The following MORC3 variants were observed in gnomAD, a reference collection of about 807,000 sequenced individuals.
MORC3 encodes MORC family CW-type zinc finger protein 3.
MORC3 carries 31 observed loss-of-function variants against 109.1 expected under a neutral mutation model. That is an observed-to-expected ratio of 0.28 (90% CI 0.21 to 0.38). The LOEUF (loss-of-function observed/expected upper bound fraction) is 0.38, where lower values mean the gene tolerates loss of function less well. MORC3 is among the 10% of genes least tolerant of loss of function. MORC3 has a pLI of 1.00. For synonymous variants in MORC3, 395 were observed against 380.7 expected, an observed-to-expected ratio of 1.04 and a Z score of -0.44; for missense variants, 867 against 1,135.8, an observed-to-expected ratio of 0.76 and a Z score of 3.40.
intron 9 of MORC3, among the ~76,000 whole-genome samples, chr21:36,355,040 G>A (rs1200160798): frequency 1.3e-5 from 2 of 152,106 alleles, no homozygotes; most frequent in East Asian, 3.8e-4. Flanking sequence ...ATTGTTTTGA[G>A]CTTGATTTCT....
chr21:36,336,923 A>G lies in MORC3; in HGVS notation c.162A>G (p.Lys54=). The G allele has an allele frequency of 6.2e-7, 1 of 1,613,440 alleles. No homozygotes were observed. Among genetic ancestry groups the G allele is most frequent in the Non-Finnish European group, 8.5e-7 (1 of 1,179,586 alleles). The change falls in exon 3 of 17, where the codon AAA becomes AAG. Residue 54 remains lysine (K), a synonymous_variant. Coordinates refer to ENST00000400485, the MANE Select transcript of MORC3 (RefSeq NM_015358.3). ...ACGCTAAACAAATATGGATTGACAA[A>G]ACAGTGATAAATGACCATATATGCT... The part of the protein sequence containing the change: ...DVNAKQIWID[K]TVINDHICLT...
Position 36,372,379 on chromosome 21 carries a change from A to G in MORC3, c.2514A>G (p.Glu838=). 1 of 1,565,824 alleles carries G rather than the reference A, an allele frequency of 6.4e-7. No individual in the cohort carries two copies. Among genetic ancestry groups the G allele is most frequent in the East Asian group, 2.3e-5 (1 of 43,896 alleles). The change falls in exon 16 of 17, where the codon GAA becomes GAG. Residue 838 remains glutamate (E), a synonymous_variant. Transcript: ENST00000400485. The part of the protein sequence containing the change: ...IERDQYKSEV[E]LLEMEKSQIR... ...CTCATTTATATTTTTGTTAGGTTGA[A>G]TTGCTGGAAATGGAAAAGTCACAAA...
intron 1 of MORC3, 137 bp downstream of exon 1, chr21:36,320,440 C>T (rs1309021500): frequency 8.6e-6 from 7 of 814,180 alleles, no homozygotes; most frequent in Non-Finnish European, 9.8e-6. Context: ...GGGGAGGGGG[C>T]GGCCATCTCG....
intron 2 of MORC3, among the ~76,000 whole-genome samples, chr21:36,336,358 T>G (rs2085375846): frequency 6.6e-6 from 1 of 152,142 alleles, no homozygotes; most frequent in Admixed American, 6.6e-5. Context: ...TTCTCCTGTC[T>G]TAGCCTCTGG....
At chr21:36,326,919 G>A (rs142444553) in intron 1 of MORC3, among the ~76,000 whole-genome samples, 3,438 of 150,902 alleles carry the variant, frequency 0.023, 58 homozygotes, top group Admixed American at 0.045. Flanking sequence ...GGGTTTAAGC[G>A]ATTCTTGTGC....
chr21:36,369,770 C>T lies in MORC3; in HGVS notation c.2402C>T (p.Ser801Phe). 6.2e-7 allele frequency: 1 copy of T among 1,614,120 alleles called. No individual in the cohort carries two copies. The highest frequency in any genetic ancestry group is 8.5e-7 in the Non-Finnish European group (1 of 1,180,032). ...QHVKAECSQCSNNESKSEMDE... is the reference protein window; with the variant it reads ...QHVKAECSQCFNNESKSEMDE... Reference sequence around the variant, plus strand: ...GTAAAGGCTGAATGCAGCCAGTGTTCCAATAATGAGAGTAAAAGTGAAATG... The same window carrying T: ...GTAAAGGCTGAATGCAGCCAGTGTTTCAATAATGAGAGTAAAAGTGAAATG... The change falls in exon 15 of 17, where the codon TCC (serine) becomes TTC (phenylalanine). Residue 801 changes from serine (S) to phenylalanine (F), a missense_variant. Ser to Phe is a radical substitution (Grantham distance 155). Coordinates refer to ENST00000400485, the MANE Select transcript of MORC3 (RefSeq NM_015358.3).
At chr21:36,353,747 A>ATTTTTTTTTTTTTTTT (rs1569101617) in intron 9 of MORC3, among the ~76,000 whole-genome samples, 1 of 65,508 alleles carries the variant, frequency 1.5e-5, no homozygotes, top group African/African-American at 8.6e-5. Flanking sequence ...AGCCCGGCTA[A>ATTTTTTTTTTTTTTTT]TTTTTGTATT....
intron 1 of MORC3, among the ~76,000 whole-genome samples, chr21:36,320,875 C>A (rs1385242842): frequency 6.6e-6 from 1 of 152,186 alleles, no homozygotes; most frequent in Non-Finnish European, 1.5e-5. Flanking sequence ...CTCTTTATCC[C>A]GCGTTGCGTC....
At position 36,369,269 on chromosome 21, in the gene MORC3, A is replaced by T; in HGVS notation, c.1901A>T (p.Gln634Leu). 6.2e-7 allele frequency: 1 copy of T among 1,614,242 alleles called. No homozygotes were observed. Among genetic ancestry groups the T allele is most frequent in the Non-Finnish European group, 8.5e-7 (1 of 1,180,052 alleles). ...STSTSSSRCD[Q>L]GNTAATQTEV... ...AGCACCTCATCATCCCGATGCGACC[A>T]GGGAAATACTGCAGCTACCCAGACT... Residue 634 changes from glutamine (Q) to leucine (L), a missense_variant, in exon 15 of 17, where the codon CAG becomes CTG. By Grantham distance (113) the Gln-to-Leu change is moderately radical. Transcript: ENST00000400485.
chr21:36,344,587 C>G lies in MORC3; in HGVS notation c.765C>G (p.Cys255Trp). The change falls in exon 7 of 17, where the codon TGC becomes TGG. Residue 255 changes from cysteine to tryptophan, a missense_variant. Transcript: ENST00000400485. ...GTTATGTTATTTTCCAGGCTTATTG[C>G]AGTATATTATATCTAAAGCCAAGAA... ...PESDYSLRAY[C>W]SILYLKPRMQ... 1 of 1,613,038 alleles carries G rather than the reference C, an allele frequency of 6.2e-7. No homozygotes were observed. Among genetic ancestry groups the G allele is most frequent in the Non-Finnish European group, 8.5e-7 (1 of 1,179,662 alleles).
rs200729458 is a variant in MORC3 at position 36,341,570 on chromosome 21, G to A, written c.756+24G>A. ...GGGTATGTATTCAGCTCTCTTTGTG[G>A]AAGTGAGAAAATCATTGAATGCTGG... On this transcript the variant is annotated intron_variant, in intron 6 of 16. Transcript: ENST00000400485. 588 of 1,613,046 alleles carry A rather than the reference G, an allele frequency of 3.6e-4. 1 individual carries two copies. In the African/African-American group the frequency reaches 5.8e-3, roughly 16 times the overall value.
chr21:36,358,928 G>A (rs1230447617), intron 10 of MORC3, among the ~76,000 whole-genome samples: 2 of 151,930 alleles, frequency 1.3e-5, no homozygotes, highest in Non-Finnish European at 2.9e-5. Flanking sequence ...ATCCACCCGC[G>A]TCAGCCTCCC....
In MORC3 at chr21:36,369,488, C is replaced by T. The variant is rs758468411; in HGVS notation, c.2120C>T (p.Thr707Ile). The T allele has an allele frequency of 5.0e-6, 8 of 1,614,092 alleles. No homozygotes were observed. The South Asian group carries it at 7.7e-5, about 16-fold the overall frequency. The change falls in exon 15 of 17, where the codon ACT (threonine) becomes ATT (isoleucine). Residue 707 changes from threonine to isoleucine, a missense_variant. Around this residue, in one of 7 missense-constraint regions of MORC3, gnomAD observed 486 missense variants for 502.1 expected, o/e 0.97. Coordinates refer to ENST00000400485, the MANE Select transcript of MORC3 (RefSeq NM_015358.3). ...QELRNQLLLV[T>I]EEKENYKRQC... ...CTGAGAAACCAGCTACTCCTTGTCACTGAGGAAAAAGAGAATTATAAAAGA... is the reference window on the plus strand; with the variant it reads ...CTGAGAAACCAGCTACTCCTTGTCATTGAGGAAAAAGAGAATTATAAAAGA...
intron 9 of MORC3, among the ~76,000 whole-genome samples, chr21:36,355,473 A>T (rs1305530982): frequency 6.6e-6 from 1 of 152,158 alleles, no homozygotes; most frequent in Non-Finnish European, 1.5e-5. Context: ...TCAAGGCTTA[A>T]GGGTTAGCAT....
At position 36,327,155 on chromosome 21, in the gene MORC3, C is replaced by CTTT. The variant is rs71326674; in HGVS notation, c.40-6466_40-6464dup. Among the ~76,000 whole-genome samples the CTTT allele has an allele frequency of 4.6e-3, 375 of 81,940 alleles. 43 individuals carry two copies. Among genetic ancestry groups the CTTT allele is most frequent in the South Asian group, 0.013 (26 of 2,018 alleles). The allele number at this position is 81,940 out of a possible 152,430, so 53.8% of individuals were successfully genotyped here. ...TTAAAGATATTAATTGGCTTTATTT[C>CTTT]TTTTTTTTTTTTTTTTTTTTTTTTT... On this transcript the variant is annotated intron_variant, in intron 1 of 16. Coordinates refer to ENST00000400485, the MANE Select transcript of MORC3 (RefSeq NM_015358.3).
chr21:36,349,960 G>A lies in MORC3; in HGVS notation c.1103+552G>A, dbSNP rs531864627. On this transcript the variant is annotated intron_variant, in intron 9 of 16. Transcript: ENST00000400485. ...CTAGCAAAATAGTAACAGAGTACCA[G>A]AACTTGGGCTGGATTTGGAGCCTAG... Among the ~76,000 whole-genome samples, 284 of 152,260 alleles carry A rather than the reference G, an allele frequency of 1.9e-3. 1 individual carries two copies. Among genetic ancestry groups the A allele is most frequent in the African/African-American group, 6.2e-3 (258 of 41,552 alleles).
intron 3 of MORC3, 72 bp from the exon 4 acceptor site, chr21:36,337,660 T>G (rs150821439): frequency 9.4e-7 from 1 of 1,058,418 alleles, no homozygotes; most frequent in Admixed American, 3.3e-5. Context: ...AAAAAAAGAT[T>G]ATAGGTATTT....
At position 36,337,242 on chromosome 21, in the gene MORC3, TGTA is replaced by T. The variant is rs1306869435; in HGVS notation, c.245+240_245+242del. On this transcript the variant is annotated intron_variant, in intron 3 of 16. Transcript: ENST00000400485. ...TAAAAGTCCACCATTCCTTTAGAGT[TGTA>T]GTATATTTATATCAATTACTGATAA... Among the ~76,000 whole-genome samples, 3 of 152,168 alleles carry T rather than the reference TGTA, an allele frequency of 2.0e-5. No homozygotes were observed. In the East Asian group the frequency reaches 5.8e-4, roughly 29 times the overall value.
chr21:36,360,975 G>C (rs1369577562), intron 12 of MORC3: 1 of 152,034 alleles, frequency 6.6e-6, no homozygotes, highest in African/African-American at 2.4e-5. Flanking sequence ...GGGAGGCTGA[G>C]GCAGGAGAAT....
Sources: gnomAD v4.1 joint callset for allele counts (sites outside exome capture counted in the v4.1 genomes callset) on GRCh38, gnomAD v4.1.1 for gene constraint, gnomAD v4.1.1 regional missense constraint, MANE v1.5 for transcripts, NCBI Gene and HGNC (gene_info 2026-07-23, HGNC 2026-07-21) for gene names.